PLCG2: variants seen among roughly 807,000 people sequenced by gnomAD.
PLCG2 encodes the protein 1-phosphatidylinositol 4,5-bisphosphate phosphodiesterase gamma-2.
PLCG2 carries 69 observed loss-of-function variants against 175.6 expected under a neutral mutation model. The ratio of observed to expected loss-of-function variants is 0.39; its 90% CI spans 0.32 to 0.48. PLCG2 has a LOEUF of 0.48. PLCG2 is among the 20% of genes least tolerant of loss of function. The pLI is 0.91. For missense variants in PLCG2, 1,798 were observed against 1,650.9 expected (o/e 1.09, Z -1.54); for synonymous variants, 827 against 624.0 (o/e 1.33, Z -4.85).
chr16:81,834,285 A>C (rs1216354243), intron 2 of PLCG2, among the ~76,000 whole-genome samples: 1 of 152,140 alleles, frequency 6.6e-6, no homozygotes, highest in Non-Finnish European at 1.5e-5. Flanking sequence ...CTGTCCCAGT[A>C]GGTGTTTCTG....
intron 12 of PLCG2, among the ~76,000 whole-genome samples, chr16:81,894,918 C>T (rs1462629569): frequency 2.0e-5 from 3 of 152,028 alleles, no homozygotes; most frequent in African/African-American, 4.8e-5. Context: ...AAAAAGGCAT[C>T]AACTACTGAC....
At chr16:81,844,118 A>T (rs12599272) in intron 2 of PLCG2, among the ~76,000 whole-genome samples, 18,728 of 142,810 alleles carry the variant, frequency 0.13, 1,351 homozygotes, top group Middle Eastern at 0.21. Flanking sequence ...CTGGGACTAC[A>T]GGTGCCCGCC....
intron 2 of PLCG2, among the ~76,000 whole-genome samples, chr16:81,845,904 C>G (rs914308450): frequency 1.3e-5 from 2 of 152,228 alleles, no homozygotes; most frequent in African/African-American, 4.8e-5. Flanking sequence ...AGTTCAAATG[C>G]TGGCTCTTGC....
At chr16:81,820,365 T>A (rs1904740807) in intron 2 of PLCG2, among the ~76,000 whole-genome samples, 1 of 152,190 alleles carries the variant, frequency 6.6e-6, no homozygotes. Flanking sequence ...CAACCTACTT[T>A]GAGTCATCCA....
intron 7 of PLCG2, among the ~76,000 whole-genome samples, chr16:81,880,663 A>G (rs1417333751): frequency 6.6e-6 from 1 of 152,250 alleles, no homozygotes; most frequent in Non-Finnish European, 1.5e-5. Flanking sequence ...AAGGAAACCT[A>G]TGAAATGCTT....
chr16:81,895,532 C>T (rs965586189), intron 12 of PLCG2: 5 of 360,754 alleles, frequency 1.4e-5, no homozygotes, highest in Non-Finnish European at 2.6e-5. Flanking sequence ...TGCACTCCAG[C>T]CTGGGCAACA....
chr16:81,950,524 T>G (rs1911324919), intron 31 of PLCG2, among the ~76,000 whole-genome samples: 1 of 152,190 alleles, frequency 6.6e-6, no homozygotes, highest in Non-Finnish European at 1.5e-5. Flanking sequence ...TCAAAATAAT[T>G]TGCCTTAAGA....
chr16:81,914,659 A>T (rs1332927416), intron 19 of PLCG2, among the ~76,000 whole-genome samples: 1 of 152,178 alleles, frequency 6.6e-6, no homozygotes, highest in Non-Finnish European at 1.5e-5. Flanking sequence ...CAGGAGTGAT[A>T]AAAACAGCCC....
At chr16:81,741,228 C>T (rs191521566) in intron 1 of PLCG2, among the ~76,000 whole-genome samples, 10 of 152,184 alleles carry the variant, frequency 6.6e-5, no homozygotes, top group Admixed American at 2.0e-4. Flanking sequence ...TAAATACCTG[C>T]TGTGTGCCAG....
Position 81,923,383 on chromosome 16 carries a change from C to T in PLCG2, c.2308-102C>T, listed in dbSNP as rs538693765. The T allele has an allele frequency of 2.1e-4, 145 of 678,690 alleles. 2 individuals are homozygous for T. In the Admixed American group the frequency reaches 2.3e-3, roughly 11 times the overall value. The allele number at this position is 678,690 out of a possible 1,614,324, so 42.0% of individuals were successfully genotyped here. A position where few individuals can be genotyped will look rare whatever the true frequency, so the allele number is the denominator to read the frequency against. On this transcript the variant is annotated intron_variant, in intron 21 of 32. Transcript: ENST00000564138. ...ACTTTGTAACCTTGGCCTGAAGCCT[C>T]CTGCTCCCCAATGAGAAGAACCAAA...
chr16:81,862,442 A>T (rs575154988), intron 5 of PLCG2, among the ~76,000 whole-genome samples: 28 of 152,228 alleles, frequency 1.8e-4, no homozygotes, highest in Non-Finnish European at 3.1e-4. Context: ...CACGTTTTCT[A>T]TGTGAGGACA....
chr16:81,772,436 G>C (rs978041764), intron 2 of PLCG2, among the ~76,000 whole-genome samples: 1 of 152,058 alleles, frequency 6.6e-6, no homozygotes, highest in Non-Finnish European at 1.5e-5. Context: ...AAGTCACCAA[G>C]TTCATGGTAA....
chr16:81,848,652 C>A (rs1240751191), intron 2 of PLCG2, among the ~76,000 whole-genome samples: 1 of 152,122 alleles, frequency 6.6e-6, no homozygotes, highest in Non-Finnish European at 1.5e-5. Flanking sequence ...GTAATTTGAT[C>A]CCTCTTGAGG....
chr16:81,846,028 A>G (rs937558220), intron 2 of PLCG2, among the ~76,000 whole-genome samples: 1 of 152,196 alleles, frequency 6.6e-6, no homozygotes, highest in African/African-American at 2.4e-5. Context: ...GTGAGGAACG[A>G]TGAGTTAATA....
chr16:81,763,765 G>A (rs1165519486), intron 2 of PLCG2, among the ~76,000 whole-genome samples: 2 of 151,934 alleles, frequency 1.3e-5, no homozygotes, highest in African/African-American at 4.8e-5. Context: ...TCTGGAGTTC[G>A]AGACCAGCCT....
rs562617626 is a variant in PLCG2, at chr16:81,760,754, A to T, written c.-48+4788A>T. Among the ~76,000 whole-genome samples the T allele has an allele frequency of 1.2e-4, 11 of 90,116 alleles. No individual in the cohort carries two copies. The East Asian group carries it at 1.2e-3, about 10-fold the overall frequency. 59.1% of individuals were successfully genotyped at this position (90,116 alleles called of 152,430 possible). A position where few individuals can be genotyped will look rare whatever the true frequency, so the allele number is the denominator to read the frequency against. ...AGTGAGACCCCGTCTCTATTAAAAA[A>T]AAAAATAATAATAATAATAATAATA... On this transcript the variant is annotated intron_variant, in intron 2 of 5. Transcript: ENST00000565054.
intron 3 of PLCG2, chr16:81,858,007 T>C (rs1400284445): frequency 1.3e-5 from 6 of 465,212 alleles, no homozygotes; most frequent in South Asian, 1.2e-4. Context: ...TCTTAGCTGA[T>C]TCCATTTGGC....
intron 2 of PLCG2, among the ~76,000 whole-genome samples, chr16:81,761,791 G>A (rs1343526238): frequency 1.3e-5 from 2 of 150,854 alleles, no homozygotes; most frequent in African/African-American, 4.9e-5. Flanking sequence ...TGTATAGCAA[G>A]CATCCATCTA....
chr16:81,896,168 C>T (rs892407422), intron 13 of PLCG2, among the ~76,000 whole-genome samples: 1 of 152,134 alleles, frequency 6.6e-6, no homozygotes, highest in Non-Finnish European at 1.5e-5. Flanking sequence ...GGCTGGGGAA[C>T]CCTGTGGCTG....
Sources: gnomAD v4.1 joint callset for allele counts (sites outside exome capture counted in the v4.1 genomes callset) on GRCh38, gnomAD v4.1.1 for gene constraint, MANE v1.5 for transcripts, NCBI Gene and HGNC (gene_info 2026-07-23, HGNC 2026-07-21) for gene names.